The following GLE1 variants were observed in gnomAD, a reference collection of about 807,000 sequenced individuals.
GLE1 encodes the protein mRNA export factor GLE1.
A neutral mutation model predicts 97.3 loss-of-function variants in GLE1; 78 were observed. The ratio of observed to expected loss-of-function variants is 0.80; its 90% CI spans 0.67 to 0.97. GLE1 has a LOEUF of 0.97. GLE1 is among the 50% of genes least tolerant of loss of function. The probability of loss-of-function intolerance (pLI) is 0.00; values close to 1 mark genes in which losing one functional copy is unlikely to be tolerated. For missense variants in GLE1, 753 were observed against 857.5 expected (o/e 0.88, Z 1.52); for synonymous variants, 302 against 313.4 (o/e 0.96, Z 0.39).
rs750832800 is a variant in GLE1, at chr9:128,533,568, T to C, written c.1368T>C (p.Pro456=). The C allele has an allele frequency of 1.2e-6, 2 of 1,613,306 alleles. No individual in the cohort carries two copies. The highest frequency in any genetic ancestry group is 2.2e-5 in the East Asian group (1 of 44,890). ...TCCACAGCCTGCTCTCTGGAAAACC[T>C]GTTCAATCTGGTGGGCGCTCTGTGT... ...DKIHSLLSGK[P]VQSGGRSVSV... is the part of the protein sequence containing the mutation. The change falls in exon 10 of 16, where the codon CCT becomes CCC. Residue 456 remains proline, a synonymous_variant. Coordinates refer to ENST00000309971, the MANE Select transcript of GLE1 (RefSeq NM_001003722.2).
chr9:128,511,620 G>A (rs1391862741), intron 2 of GLE1, among the ~76,000 whole-genome samples: 1 of 150,374 alleles, frequency 6.7e-6, no homozygotes, highest in Non-Finnish European at 1.5e-5. Flanking sequence ...GCAGGAGAAT[G>A]ATGTGAACGC....
chr9:128,510,322 G>A (rs148578714), intron 2 of GLE1, among the ~76,000 whole-genome samples: 6 of 151,648 alleles, frequency 4.0e-5, no homozygotes, highest in East Asian at 3.9e-4. Context: ...TCCGCCTCCC[G>A]GCTTCAAGCG....
chr9:128,513,737 C>T (rs182858420), intron 2 of GLE1, among the ~76,000 whole-genome samples: 247 of 149,910 alleles, frequency 1.6e-3, no homozygotes, highest in Non-Finnish European at 2.9e-3. Context: ...AGAAAAAAGG[C>T]GGGGTGCGGT....
intron 2 of GLE1, among the ~76,000 whole-genome samples, chr9:128,511,129 G>A (rs1488218806): frequency 1.3e-5 from 2 of 151,408 alleles, no homozygotes; most frequent in East Asian, 2.0e-4. Context: ...GCTTGAACCC[G>A]GGAGACGGAG....
At chr9:128,523,567 GAA>G in intron 5 of GLE1, 23 bp from the exon 6 acceptor site, 2 of 1,613,294 alleles carry the variant, frequency 1.2e-6, no homozygotes, top group Non-Finnish European at 1.7e-6. Flanking sequence ...CCCTCAGAGA[GAA>G]GTCACTCAGC....
intron 10 of GLE1, 22 bp from the exon 11 acceptor site, chr9:128,533,739 G>A: frequency 6.2e-7 from 1 of 1,613,408 alleles, no homozygotes; most frequent in South Asian, 1.1e-5. Flanking sequence ...AGTTAAAATT[G>A]TACCCACCTC....
At position 128,504,737 on chromosome 9, in the gene GLE1, C is replaced by G. The variant is rs750116243; in HGVS notation, c.-69C>G. ...CGGAAGCAGAAGCCTGTGTGGCCTT[C>G]CCGGCGGCTGATTCGAGGGCTTGTT... On this transcript the variant is annotated 5_prime_UTR_variant, in exon 1 of 16. Coordinates refer to ENST00000309971, the MANE Select transcript of GLE1 (RefSeq NM_001003722.2). 9 of 1,079,270 alleles carry G rather than the reference C, an allele frequency of 8.3e-6. No homozygotes were observed. Among genetic ancestry groups the G allele is most frequent in the Non-Finnish European group, 8.6e-6 (6 of 698,372 alleles). The allele number at this position is 1,079,270 out of a possible 1,614,324, so 66.9% of individuals were successfully genotyped here.
At chr9:128,508,834 A>C (rs1846715915) in intron 1 of GLE1, 42 bp from the exon 2 acceptor site, 1 of 1,108,776 alleles carries the variant, frequency 9.0e-7, no homozygotes, top group Admixed American at 1.7e-5. Flanking sequence ...TACTGAGAAC[A>C]GTTGACGTGT....
intron 3 of GLE1, among the ~76,000 whole-genome samples, chr9:128,518,701 C>T (rs374792354): frequency 2.6e-5 from 4 of 152,074 alleles, no homozygotes; most frequent in East Asian, 1.9e-4. Flanking sequence ...AACCCCGTCT[C>T]TACTAAAAAT....
intron 15 of GLE1, 120 bp downstream of exon 15, chr9:128,540,458 C>T (rs1771464488): frequency 4.1e-6 from 3 of 736,766 alleles, no homozygotes; most frequent in Admixed American, 1.9e-5. Context: ...TCTTCCAAAC[C>T]CTTCTTTTTG....
chr9:128,524,143 A>T (rs1415954157), intron 6 of GLE1, among the ~76,000 whole-genome samples: 4 of 130,982 alleles, frequency 3.1e-5, no homozygotes, highest in Non-Finnish European at 6.1e-5. Flanking sequence ...GCAGTAACAC[A>T]GTCTCAGCTC....
intron 9 of GLE1, among the ~76,000 whole-genome samples, chr9:128,530,350 TAGCACCA>T (rs1847454150): frequency 6.6e-6 from 1 of 152,188 alleles, no homozygotes; most frequent in African/African-American, 2.4e-5. Flanking sequence ...GAGTAATCAG[TAGCACCA>T]TTATCTACTC....
intron 1 of GLE1, among the ~76,000 whole-genome samples, chr9:128,507,541 G>A (rs188929991): frequency 6.7e-6 from 1 of 148,590 alleles, no homozygotes; most frequent in Non-Finnish European, 1.5e-5. Context: ...CCGTGATCAC[G>A]CCACTGCACT....
intron 2 of GLE1, among the ~76,000 whole-genome samples, chr9:128,511,183 A>G (rs1223677977): frequency 1.3e-5 from 2 of 151,080 alleles, no homozygotes; most frequent in East Asian, 3.9e-4. Flanking sequence ...TAGCCTGGGT[A>G]ACGGAGCAAG....
At chr9:128,506,534 C>T (rs1019717730) in intron 1 of GLE1, among the ~76,000 whole-genome samples, 1 of 152,154 alleles carries the variant, frequency 6.6e-6, no homozygotes, top group Non-Finnish European at 1.5e-5. Flanking sequence ...GTGCAAGTTT[C>T]CCTGTCTTAA....
At chr9:128,532,350 C>T (rs1366657229) in intron 9 of GLE1, among the ~76,000 whole-genome samples, 3 of 150,496 alleles carry the variant, frequency 2.0e-5, no homozygotes, top group Admixed American at 6.7e-5. Flanking sequence ...TCAGCCTCCC[C>T]GAGTAGCTGG....
At position 128,508,893 on chromosome 9, in the gene GLE1, T is replaced by C. The variant is rs753226987; in HGVS notation, c.117T>C (p.Cys39=). 1 of 1,598,092 alleles carries C rather than the reference T, an allele frequency of 6.3e-7. No homozygotes were observed. The highest frequency in any genetic ancestry group is 8.6e-7 in the Non-Finnish European group (1 of 1,165,390). The change falls in exon 2 of 16, where the codon TGT becomes TGC. Residue 39 remains cysteine, a synonymous_variant. Coordinates refer to ENST00000309971, the MANE Select transcript of GLE1 (RefSeq NM_001003722.2). ...TTCTCTAGGATGTTTTAGAAGAATG[T>C]ATGTCTCTTCCCAAGCTATCTTCTT... is the stretch of plus-strand genomic sequence containing the variant. ...LLRREDVLEE[C]MSLPKLSSYS... is the part of the protein sequence containing the mutation.
intron 2 of GLE1, among the ~76,000 whole-genome samples, chr9:128,509,362 C>T (rs377600481): frequency 6.6e-6 from 1 of 150,594 alleles, no homozygotes; most frequent in Non-Finnish European, 1.5e-5. Context: ...ATGAACGCTG[C>T]GTCTGTTTAA....
intron 6 of GLE1, 133 bp downstream of exon 6, chr9:128,523,979 T>C (rs1847228334): frequency 1.3e-6 from 1 of 796,240 alleles, no homozygotes; most frequent in Non-Finnish European, 2.1e-6. Context: ...ACTTGTTATC[T>C]CCATATCTCT....
Sources: allele counts gnomAD v4.1 joint callset (sites outside exome capture counted in the v4.1 genomes callset), GRCh38; gene constraint gnomAD v4.1.1; transcripts MANE v1.5; gene names NCBI Gene and HGNC (gene_info 2026-07-23, HGNC 2026-07-21).